Variants in TMEM108 observed in about 807,000 individuals in gnomAD.
TMEM108 encodes cancer/testis antigen 124.
Under a neutral mutation model 35.1 loss-of-function variants are expected in TMEM108, and 12 were observed. The ratio of observed to expected loss-of-function variants is 0.34; its 90% CI spans 0.22 to 0.55. TMEM108 has a LOEUF of 0.55. TMEM108 is among the 20% of genes least tolerant of loss of function. TMEM108 has a pLI of 0.89. For missense variants in TMEM108, 680 were observed against 753.3 expected (o/e 0.90, Z 1.14); for synonymous variants, 287 against 308.6 (o/e 0.93, Z 0.73).
At chr3:133,211,752 A>T (rs142290809) in intron 2 of TMEM108, among the ~76,000 whole-genome samples, 327 of 152,314 alleles carry the variant, frequency 2.1e-3, no homozygotes, top group African/African-American at 7.5e-3. Flanking sequence ...AAATGCAAAT[A>T]GACTCCAGCA....
At chr3:133,135,264 G>C (rs1236266422) in intron 2 of TMEM108, among the ~76,000 whole-genome samples, 8 of 151,374 alleles carry the variant, frequency 5.3e-5, no homozygotes, top group African/African-American at 1.9e-4. Context: ...TGATAACAGA[G>C]ATAAATAAGG....
intron 3 of TMEM108, among the ~76,000 whole-genome samples, chr3:133,267,559 TA>T (rs1418982388): frequency 6.6e-6 from 1 of 152,142 alleles, no homozygotes; most frequent in Non-Finnish European, 1.5e-5. Flanking sequence ...CCCCAAAACT[TA>T]GTGGTTTAAA....
At chr3:133,114,897 G>A (rs188316922) in intron 2 of TMEM108, among the ~76,000 whole-genome samples, 2 of 152,250 alleles carry the variant, frequency 1.3e-5, no homozygotes, top group Admixed American at 6.5e-5. Context: ...CAGAAAAGTA[G>A]TAGCTTCCCT....
intron 2 of TMEM108, among the ~76,000 whole-genome samples, chr3:133,168,732 A>G (rs192677616): frequency 1.3e-5 from 2 of 152,318 alleles, no homozygotes; most frequent in Admixed American, 6.5e-5. Flanking sequence ...CCCCTTTCAC[A>G]CTGTGGAAGC....
intron 2 of TMEM108, among the ~76,000 whole-genome samples, chr3:133,182,848 C>CCAG (rs1945366950): frequency 6.6e-6 from 1 of 152,136 alleles, no homozygotes; most frequent in African/African-American, 2.4e-5. Flanking sequence ...CTCTCTGGTG[C>CCAG]CAGCATTCTC....
intron 2 of TMEM108, among the ~76,000 whole-genome samples, chr3:133,133,761 G>C (rs1434384591): frequency 6.7e-6 from 1 of 149,682 alleles, no homozygotes; most frequent in Non-Finnish European, 1.5e-5. Flanking sequence ...TGCAATCTTG[G>C]CTCACTGCAA....
intron 2 of TMEM108, among the ~76,000 whole-genome samples, chr3:133,121,929 G>A (rs888937477): frequency 2.6e-5 from 4 of 152,040 alleles, no homozygotes; most frequent in Admixed American, 6.5e-5. Flanking sequence ...TTATACCATG[G>A]TTTCCATGTT....
At chr3:133,085,299 CA>C (rs1311929706) in intron 2 of TMEM108, among the ~76,000 whole-genome samples, 1 of 152,104 alleles carries the variant, frequency 6.6e-6, no homozygotes, top group East Asian at 1.9e-4. Context: ...CTTATAGTCT[CA>C]AAAAACTGAT....
intron 3 of TMEM108, among the ~76,000 whole-genome samples, chr3:133,302,026 A>G (rs1947231894): frequency 6.6e-6 from 1 of 152,142 alleles, no homozygotes; most frequent in Admixed American, 6.5e-5. Flanking sequence ...CAGTGCTCCC[A>G]CCTGTAAAAT....
chr3:133,070,745 A>ATGTGTGTGTATGTGTGTGTG (rs1943665586), intron 2 of TMEM108, among the ~76,000 whole-genome samples: 1 of 148,322 alleles, frequency 6.7e-6, no homozygotes, highest in Non-Finnish European at 1.5e-5. Context: ...TCTCTGATGT[A>ATGTGTGTGTATGTGTGTGTG]TGTGTGTGTG....
At chr3:133,058,532 G>A (rs982535650) in intron 2 of TMEM108, among the ~76,000 whole-genome samples, 2 of 152,210 alleles carry the variant, frequency 1.3e-5, no homozygotes, top group Non-Finnish European at 2.9e-5. Flanking sequence ...GTGAGACGTG[G>A]TTAAGCCCTT....
intron 3 of TMEM108, among the ~76,000 whole-genome samples, chr3:133,314,024 G>T (rs1180747656): frequency 6.6e-6 from 1 of 152,024 alleles, no homozygotes; most frequent in Non-Finnish European, 1.5e-5. Context: ...ACTCCTTTCT[G>T]CTGTCTTATT....
chr3:133,327,743 A>G lies in TMEM108; in HGVS notation c.41-52009A>G, dbSNP rs566138157. Among the ~76,000 whole-genome samples, 5 of 152,224 alleles carry G rather than the reference A, an allele frequency of 3.3e-5. No homozygotes were observed. The East Asian group carries it at 9.7e-4, about 29-fold the overall frequency. ...CTTTCTGAATGGAAAGAGCAGAGGT[A>G]AGGCTCATTTCTGTGGATGGGCGGC... On this transcript the variant is annotated intron_variant, in intron 3 of 5. Transcript: ENST00000321871.
chr3:133,303,311 A>C (rs898242268), intron 3 of TMEM108: 1 of 152,196 alleles, frequency 6.6e-6, no homozygotes, highest in African/African-American at 2.4e-5. Context: ...CAGGATCCCC[A>C]CAGGGAGCAG....
intron 2 of TMEM108, among the ~76,000 whole-genome samples, chr3:133,217,678 A>G (rs1449089872): frequency 6.6e-6 from 1 of 152,030 alleles, no homozygotes; most frequent in East Asian, 1.9e-4. Flanking sequence ...CATTTATTGA[A>G]GAGATTGTCC....
At chr3:133,354,664 T>A (rs1321877896) in intron 3 of TMEM108, among the ~76,000 whole-genome samples, 2 of 152,104 alleles carry the variant, frequency 1.3e-5, no homozygotes, top group Non-Finnish European at 2.9e-5. Flanking sequence ...GTACTTTTCC[T>A]GCCACCCCAT....
chr3:133,095,909 T>C (rs1378353800), intron 2 of TMEM108, among the ~76,000 whole-genome samples: 1 of 152,296 alleles, frequency 6.6e-6, no homozygotes, highest in African/African-American at 2.4e-5. Context: ...ATAGAACACT[T>C]AATAATTGTG....
chr3:133,228,236 C>G (rs139108257), intron 2 of TMEM108, among the ~76,000 whole-genome samples: 2,274 of 150,950 alleles, frequency 0.015, 74 homozygotes, highest in African/African-American at 0.051. Context: ...CTTGGGATGT[C>G]ATGAGAAAAC....
chr3:133,087,637 A>C (rs1943899646), intron 2 of TMEM108, among the ~76,000 whole-genome samples: 1 of 152,210 alleles, frequency 6.6e-6, no homozygotes, highest in South Asian at 2.1e-4. Flanking sequence ...TGCCAGGACC[A>C]TACTACCTGT....
Sources: gnomAD v4.1 joint callset for allele counts (sites outside exome capture counted in the v4.1 genomes callset) on GRCh38, gnomAD v4.1.1 for gene constraint, MANE v1.5 for transcripts, NCBI Gene and HGNC (gene_info 2026-07-23, HGNC 2026-07-21) for gene names.